The following HTR6 variants were observed in gnomAD, a reference collection of about 807,000 sequenced individuals.
The protein encoded by HTR6 is 5-hydroxytryptamine receptor 6.
In HTR6, 15 loss-of-function variants were observed where a neutral mutation model predicts 17.4. The observed-to-expected ratio is 0.86, with a 90% CI of 0.58 to 1.33. The LOEUF is 1.33. Ranked by LOEUF, HTR6 falls within the 40% of genes most tolerant of loss-of-function variation. HTR6 has a pLI of 0.00. For missense variants in HTR6, 578 were observed against 616.0 expected (o/e 0.94, Z 0.65); for synonymous variants, 326 against 295.5 (o/e 1.10, Z -1.06).
intron 1 of HTR6, among the ~76,000 whole-genome samples, chr1:19,673,444 C>T (rs1197076490): frequency 1.3e-5 from 2 of 152,188 alleles, no homozygotes; most frequent in Non-Finnish European, 2.9e-5. Flanking sequence ...CGTGGTGGCT[C>T]ACGCCTGTAA....
At chr1:19,674,021 C>T (rs1041263283) in intron 1 of HTR6, among the ~76,000 whole-genome samples, 5 of 152,028 alleles carry the variant, frequency 3.3e-5, no homozygotes, top group African/African-American at 4.8e-5. Context: ...ACGCACATCA[C>T]CATGCCTGGC....
chr1:19,675,619 C>T (rs1011310946), intron 1 of HTR6, among the ~76,000 whole-genome samples: 7 of 152,078 alleles, frequency 4.6e-5, no homozygotes, highest in South Asian at 2.1e-4. Flanking sequence ...GAGATATTCC[C>T]CCTAGTGCCT....
chr1:19,674,756 A>T (rs2095092256), intron 1 of HTR6, among the ~76,000 whole-genome samples: 2 of 152,140 alleles, frequency 1.3e-5, no homozygotes, highest in South Asian at 4.1e-4. Flanking sequence ...ATTTTTTCCT[A>T]TCACAAGTAG....
At chr1:19,675,184 C>T (rs1283344871) in intron 1 of HTR6, among the ~76,000 whole-genome samples, 1 of 152,198 alleles carries the variant, frequency 6.6e-6, no homozygotes, top group African/African-American at 2.4e-5. Context: ...CCTAACTCAA[C>T]TCTTAACTGC....
chr1:19,677,241 T>A (rs532153596), intron 1 of HTR6, among the ~76,000 whole-genome samples: 96 of 149,946 alleles, frequency 6.4e-4, no homozygotes, highest in African/African-American at 1.8e-3. Context: ...TGTGTGTGTG[T>A]GAGATTTCAT....
chr1:19,669,263 T>C (rs1437255750), intron 1 of HTR6, among the ~76,000 whole-genome samples: 1 of 152,188 alleles, frequency 6.6e-6, no homozygotes, highest in Non-Finnish European at 1.5e-5. Flanking sequence ...GGATTGAACC[T>C]GAGTCTGTGG....
At chr1:19,670,375 C>T (rs1037930266) in intron 1 of HTR6, among the ~76,000 whole-genome samples, 12 of 152,012 alleles carry the variant, frequency 7.9e-5, no homozygotes, top group Middle Eastern at 3.4e-3. Context: ...TACCCCCTGA[C>T]GTGTTCTATA....
intron 1 of HTR6, among the ~76,000 whole-genome samples, chr1:19,673,589 T>C (rs975387285): frequency 1.2e-4 from 19 of 152,242 alleles, no homozygotes; most frequent in African/African-American, 4.6e-4. Flanking sequence ...TCCCAGCTAC[T>C]TGGGAGGCTG....
At chr1:19,677,166 C>G (rs1557429978) in intron 1 of HTR6, among the ~76,000 whole-genome samples, 4 of 151,308 alleles carry the variant, frequency 2.6e-5, no homozygotes, top group African/African-American at 9.7e-5. Context: ...GTTTTCTTGT[C>G]TGTGTGTGTG....
intron 1 of HTR6, 114 bp from the exon 2 acceptor site, chr1:19,678,453 A>G (rs543949088): frequency 7.6e-7 from 1 of 1,312,160 alleles, no homozygotes; most frequent in East Asian, 2.3e-5. Context: ...GGCCCAGTTT[A>G]ATCCTGGCAC....
chr1:19,670,850 A>C (rs1212946768), intron 1 of HTR6, among the ~76,000 whole-genome samples: 1 of 152,184 alleles, frequency 6.6e-6, no homozygotes, highest in Non-Finnish European at 1.5e-5. Context: ...GAAGGAATGC[A>C]GTGTACACAG....
intron 1 of HTR6, among the ~76,000 whole-genome samples, chr1:19,676,239 A>G (rs1306743199): frequency 6.6e-6 from 1 of 152,188 alleles, no homozygotes; most frequent in Non-Finnish European, 1.5e-5. Context: ...GCGACGCCGT[A>G]AGCTGAGTAT....
At position 19,679,487 on chromosome 1, in the gene HTR6, C is replaced by T; in HGVS notation, c.*119C>T. Reference sequence around the variant, plus strand: ...AAGTCTCCTAGAAGCCCTCTGAGCTCCAGAGGGGTGCGCAGAGCTGACCCC... The same window carrying T: ...AAGTCTCCTAGAAGCCCTCTGAGCTTCAGAGGGGTGCGCAGAGCTGACCCC... On this transcript the variant is annotated 3_prime_UTR_variant, in exon 3 of 3. Transcript: ENST00000289753. This position sits in a 1 kb window ranked among gnomAD's most constrained non-coding sequence, Gnocchi z 4.9. 1.5e-6 allele frequency: 2 copies of T among 1,377,884 alleles called. No homozygotes were observed. Among genetic ancestry groups the T allele is most frequent in the Non-Finnish European group, 1.9e-6 (2 of 1,046,750 alleles). 85.4% of individuals were successfully genotyped at this position (1,377,884 alleles called of 1,614,324 possible).
chr1:19,677,693 C>T (rs945717900), intron 1 of HTR6, among the ~76,000 whole-genome samples: 2 of 152,168 alleles, frequency 1.3e-5, no homozygotes, highest in African/African-American at 4.8e-5. Flanking sequence ...AAGCTCTGGA[C>T]AGTAACAGGT....
Position 19,666,267 on chromosome 1 carries a change from G to A in HTR6, c.514G>A (p.Ala172Thr), listed in dbSNP as rs749144847. The change falls in exon 1 of 3, where the codon GCA becomes ACA. Residue 172 changes from alanine (A) to threonine (T), a missense_variant. Physicochemically the swap from Ala to Thr is moderately conservative, Grantham distance 58. Transcript: ENST00000289753. The surrounding 1 kb of genome is among the most constrained non-coding windows in gnomAD (Gnocchi z 4.5). ...GCTGGGCTGGCACGAGCTGGGCCAC[G>A]CACGGCCACCCGTCCCTGGCCAGTG... is the stretch of plus-strand genomic sequence containing the variant. ...LLLGWHELGH[A>T]RPPVPGQCRL... The A allele has an allele frequency of 1.2e-6, 2 of 1,610,162 alleles. No individual in the cohort carries two copies. Among genetic ancestry groups the A allele is most frequent in the South Asian group, 1.1e-5 (1 of 91,020 alleles).
In HTR6 at chr1:19,679,539, T is replaced by C; in HGVS notation, c.*171T>C. 1.1e-6 allele frequency: 1 copy of C among 914,846 alleles called. No individual in the cohort carries two copies. 56.7% of individuals were successfully genotyped at this position (914,846 alleles called of 1,614,324 possible). A position where few individuals can be genotyped will look rare whatever the true frequency, so the allele number is the denominator to read the frequency against. ...TGCTGCCATCTCCAGGCCCCTTACC[T>C]GCAGGGATCATAGCTGACTCAGATA... On this transcript the variant is annotated 3_prime_UTR_variant, in exon 3 of 3. Coordinates refer to ENST00000289753, the MANE Select transcript of HTR6 (RefSeq NM_000871.3). The surrounding 1 kb of genome is among the most constrained non-coding windows in gnomAD (Gnocchi z 4.9).
Position 19,665,729 on chromosome 1 carries a change from C to A in HTR6, c.-25C>A. 7.1e-7 allele frequency: 1 copy of A among 1,415,014 alleles called. No individual in the cohort carries two copies. The highest frequency in any genetic ancestry group is 9.4e-7 in the Non-Finnish European group (1 of 1,064,532). 87.7% of individuals were successfully genotyped at this position (1,415,014 alleles called of 1,614,324 possible). A position where few individuals can be genotyped will look rare whatever the true frequency, so the allele number is the denominator to read the frequency against. ...TCTGCTTTCCCGCCACCCTATCACTCCCTTGCCGTCCACCCTCGGTCCTCA... is the reference window on the plus strand; with the variant it reads ...TCTGCTTTCCCGCCACCCTATCACTACCTTGCCGTCCACCCTCGGTCCTCA... On this transcript the variant is annotated 5_prime_UTR_variant, in exon 1 of 3. Transcript: ENST00000289753. This position sits in a 1 kb window ranked among gnomAD's most constrained non-coding sequence, Gnocchi z 4.2.
Position 19,666,353 on chromosome 1 carries a change from C to G in HTR6, c.600C>G (p.Pro200=). ...CGTCGGGCCTCACCTTCTTCCTGCC[C>G]TCGGGTGCCATATGCTTCACCTACT... ...LVASGLTFFL[P]SGAICFTYCR... is the part of the protein sequence containing the mutation. Residue 200 remains proline (P), a synonymous_variant, in exon 1 of 3, where the codon CCC becomes CCG. Transcript: ENST00000289753. This position sits in a 1 kb window ranked among gnomAD's most constrained non-coding sequence, Gnocchi z 4.5. 2 of 1,613,872 alleles carry G rather than the reference C, an allele frequency of 1.2e-6. No individual in the cohort carries two copies. The highest frequency in any genetic ancestry group is 3.3e-5 in the Admixed American group (2 of 60,024).
chr1:19,669,724 C>T (rs541484281), intron 1 of HTR6, among the ~76,000 whole-genome samples: 3 of 152,182 alleles, frequency 2.0e-5, no homozygotes, highest in African/African-American at 2.4e-5. Context: ...CATCTTGTCT[C>T]GTAACTGAAA....
Sources: gnomAD v4.1 joint callset for allele counts (sites outside exome capture counted in the v4.1 genomes callset) on GRCh38, gnomAD v4.1.1 for gene constraint, Gnocchi (gnomAD v3.1) non-coding constraint, MANE v1.5 for transcripts, NCBI Gene and HGNC (gene_info 2026-07-23, HGNC 2026-07-21) for gene names.